SYNPR: variants seen among roughly 807,000 people sequenced by gnomAD.
The protein encoded by SYNPR is synaptoporin.
SYNPR carries 23 observed loss-of-function variants against 32.9 expected under a neutral mutation model. The ratio of observed to expected loss-of-function variants is 0.70; its 90% CI spans 0.50 to 0.99. The LOEUF is 0.99. SYNPR is among the 50% of genes least tolerant of loss of function. The pLI, the probability that SYNPR is intolerant of heterozygous loss-of-function variation, is 0.00. For missense variants in SYNPR, 318 were observed against 349.3 expected (o/e 0.91, Z 0.71); for synonymous variants, 146 against 135.9 (o/e 1.07, Z -0.52).
chr3:63,288,421 G>A (rs1345818083), intron 2 of SYNPR, among the ~76,000 whole-genome samples: 2 of 152,162 alleles, frequency 1.3e-5, no homozygotes, highest in Non-Finnish European at 2.9e-5. Context: ...TTCTCAAGAT[G>A]TTACACCTTT....
At chr3:63,351,911 A>G (rs975955691) in intron 2 of SYNPR, among the ~76,000 whole-genome samples, 51 of 152,164 alleles carry the variant, frequency 3.4e-4, no homozygotes, top group Non-Finnish European at 6.9e-4. Context: ...CTAAAGAATG[A>G]ATGATAATCG....
At chr3:63,326,161 T>C (rs2087165451) in intron 2 of SYNPR, among the ~76,000 whole-genome samples, 1 of 151,948 alleles carries the variant, frequency 6.6e-6, no homozygotes, top group South Asian at 2.1e-4. Context: ...TCACAGCACC[T>C]CTTGGTAGCA....
intron 3 of SYNPR, among the ~76,000 whole-genome samples, chr3:63,531,174 G>A (rs1702106629): frequency 6.6e-6 from 1 of 152,134 alleles, no homozygotes; most frequent in Admixed American, 6.6e-5. Context: ...ACACAGTCCA[G>A]GGTAGTTTTA....
intron 2 of SYNPR, among the ~76,000 whole-genome samples, chr3:63,341,744 T>A (rs1002530935): frequency 1.3e-5 from 2 of 152,222 alleles, no homozygotes; most frequent in African/African-American, 4.8e-5. Flanking sequence ...TGGATACAAG[T>A]CATTTAACAG....
intron 2 of SYNPR, among the ~76,000 whole-genome samples, chr3:63,380,930 A>T (rs1418072355): frequency 1.3e-5 from 2 of 152,096 alleles, no homozygotes; most frequent in Non-Finnish European, 2.9e-5. Flanking sequence ...TCTATGACAA[A>T]CCCACAGCCA....
chr3:63,439,538 T>C (rs1333355962), intron 2 of SYNPR, among the ~76,000 whole-genome samples: 3 of 152,160 alleles, frequency 2.0e-5, no homozygotes, highest in African/African-American at 7.2e-5. Context: ...ATGACAAATA[T>C]ATGGGCAAGT....
At chr3:63,457,198 A>G (rs1293426120) in intron 2 of SYNPR, among the ~76,000 whole-genome samples, 1 of 152,112 alleles carries the variant, frequency 6.6e-6, no homozygotes, top group Non-Finnish European at 1.5e-5. Context: ...TTCTCGCAAG[A>G]TAAGAATTAA....
chr3:63,481,471 G>GTA (rs1553640207), intron 3 of SYNPR, among the ~76,000 whole-genome samples: 27 of 151,438 alleles, frequency 1.8e-4, no homozygotes, highest in Non-Finnish European at 2.9e-5. Context: ...GTGTGTGTGT[G>GTA]TATACATATA....
At chr3:63,224,584 G>C (rs1050358990), upstream of SYNPR, among the ~76,000 whole-genome samples, 1 of 152,202 alleles carries the variant, frequency 6.6e-6, no homozygotes, top group African/African-American at 2.4e-5. Flanking sequence ...GAAACCTCTT[G>C]GAAAGTTTAA....
At position 63,312,121 on chromosome 3, in the gene SYNPR, A is replaced by C. The variant is rs538549886; in HGVS notation, c.84+33379A>C. On this transcript the variant is annotated intron_variant, in intron 2 of 5. Coordinates refer to ENST00000478300, the MANE Select transcript of SYNPR (RefSeq NM_001130003.2). ...AATAAATCCGGCAATGAAATGAGTCATAATAAATAATTCTAACAACAAAGA... is the reference window on the plus strand; with the variant it reads ...AATAAATCCGGCAATGAAATGAGTCCTAATAAATAATTCTAACAACAAAGA... Among the ~76,000 whole-genome samples the C allele has an allele frequency of 2.6e-5, 4 of 152,170 alleles. No homozygotes were observed. The East Asian group carries it at 7.8e-4, about 30-fold the overall frequency.
At chr3:63,530,129 C>T (rs1378478472) in intron 3 of SYNPR, among the ~76,000 whole-genome samples, 1 of 152,186 alleles carries the variant, frequency 6.6e-6, no homozygotes, top group Non-Finnish European at 1.5e-5. Context: ...GTAAAAACAC[C>T]CTAGGAGATG....
intron 4 of SYNPR, among the ~76,000 whole-genome samples, chr3:63,601,088 C>T (rs1028035860): frequency 6.6e-6 from 1 of 152,112 alleles, no homozygotes; most frequent in African/African-American, 2.4e-5. Flanking sequence ...GCCTGACCCA[C>T]ATGGAGAAAC....
chr3:63,537,234 G>T (rs1292251091), intron 3 of SYNPR, among the ~76,000 whole-genome samples: 1 of 151,940 alleles, frequency 6.6e-6, no homozygotes, highest in African/African-American at 2.4e-5. Context: ...GCCATTTTCA[G>T]ACTCTTTTAT....
rs149466786 is a variant in SYNPR at position 63,263,010 on chromosome 3, T to C, written n.155-4307T>C. ...ACAGTGGCCAGACAATAAATACAAA[T>C]TGAAGGATTGGCTACCTCTGAATGT... is the stretch of plus-strand genomic sequence containing the variant. On this transcript the variant is annotated intron_variant and non_coding_transcript_variant, in intron 2 of 4. Coordinates refer to the SYNPR transcript ENST00000478456. Among the ~76,000 whole-genome samples the C allele has an allele frequency of 3.1e-3, 471 of 152,222 alleles. 2 individuals are homozygous for C. Among genetic ancestry groups the C allele is most frequent in the Middle Eastern group, 0.01 (3 of 292 alleles).
intron 2 of SYNPR, among the ~76,000 whole-genome samples, chr3:63,358,665 G>A (rs1038591454): frequency 8.6e-5 from 13 of 151,786 alleles, no homozygotes; most frequent in South Asian, 2.1e-4. Flanking sequence ...GTTCAGTTGC[G>A]TGGAGGGACT....
In SYNPR at chr3:63,615,082, G is replaced by A. The variant is rs111998285; in HGVS notation, c.601-142G>A. 6.2e-5 allele frequency: 62 copies of A among 996,174 alleles called. 2 individuals are homozygous for A. Among genetic ancestry groups the A allele is most frequent in the African/African-American group, 1.5e-4 (9 of 60,962 alleles). The allele number at this position is 996,174 out of a possible 1,614,324, so 61.7% of individuals were successfully genotyped here. ...GGTCAAATATTCTAAATGAAATACC[G>A]GTTCCAAATGGAAAACTTGGAAGCG... On this transcript the variant is annotated intron_variant, in intron 5 of 5. Coordinates refer to ENST00000478300, the MANE Select transcript of SYNPR (RefSeq NM_001130003.2).
intron 4 of SYNPR, among the ~76,000 whole-genome samples, chr3:63,588,298 G>A (rs1287839247): frequency 2.0e-5 from 3 of 152,010 alleles, no homozygotes; most frequent in Non-Finnish European, 2.9e-5. Context: ...GAGTACATGT[G>A]AGAGATGAAG....
the SYNPR span, among the ~76,000 whole-genome samples, chr3:63,219,429 G>A: frequency 2.0e-5 from 3 of 152,042 alleles, no homozygotes; most frequent in African/African-American, 7.2e-5. Context: ...TCTTCTATTT[G>A]ATATGGGAAA....
intron 3 of SYNPR, among the ~76,000 whole-genome samples, chr3:63,481,188 A>G (rs1239653763): frequency 6.6e-6 from 1 of 152,160 alleles, no homozygotes; most frequent in Non-Finnish European, 1.5e-5. Context: ...AAAAAAAGAA[A>G]AAATACTTGC....
Sources: gnomAD v4.1 joint callset for allele counts (sites outside exome capture counted in the v4.1 genomes callset) on GRCh38, gnomAD v4.1.1 for gene constraint, MANE v1.5 for transcripts, NCBI Gene and HGNC (gene_info 2026-07-23, HGNC 2026-07-21) for gene names.